Variants in GSTA1 observed in about 807,000 individuals in gnomAD.
The protein encoded by GSTA1 is glutathione S-transferase A1.
In GSTA1, 23 loss-of-function variants were observed where a neutral mutation model predicts 21.5. The observed-to-expected ratio is 1.07, with a 90% CI of 0.77 to 1.52. The LOEUF (loss-of-function observed/expected upper bound fraction) is 1.52. Ranked by LOEUF, GSTA1 falls within the 40% of genes most tolerant of loss-of-function variation. GSTA1 has a pLI of 0.00. For missense variants in GSTA1, 301 were observed against 264.2 expected (o/e 1.14, Z -0.96); for synonymous variants, 125 against 90.0 (o/e 1.39, Z -2.20).
At chr6:52,795,262 A>G (rs1296413574) in intron 4 of GSTA1, among the ~76,000 whole-genome samples, 1 of 152,098 alleles carries the variant, frequency 6.6e-6, no homozygotes, top group African/African-American at 2.4e-5. Context: ...AACATGTCTT[A>G]TGGCTTAACT....
intron 5 of GSTA1, 74 bp from the exon 6 acceptor site, chr6:52,793,061 T>C: frequency 6.2e-7 from 1 of 1,606,332 alleles, no homozygotes; most frequent in Non-Finnish European, 8.5e-7. Flanking sequence ...TCGGAGCCTC[T>C]CCACCCTGAC....
intron 4 of GSTA1, 51 bp downstream of exon 4, chr6:52,796,131 C>T: frequency 6.2e-7 from 1 of 1,610,664 alleles, no homozygotes. Context: ...AAGGAAGGAC[C>T]TAAATCACTC....
intron 2 of GSTA1, among the ~76,000 whole-genome samples, 195 bp from the exon 3 acceptor site, chr6:52,797,832 T>C (rs1163655734): frequency 6.6e-6 from 1 of 152,192 alleles, no homozygotes; most frequent in African/African-American, 2.4e-5. Context: ...TCACAGCACA[T>C]AGCTGCTAAA....
intron 3 of GSTA1, 52 bp from the exon 4 acceptor site, chr6:52,796,366 T>G (rs543430792): frequency 6.2e-7 from 1 of 1,610,112 alleles, no homozygotes. Context: ...AACCCACCCT[T>G]TTGGGATGAA....
intron 6 of GSTA1, among the ~76,000 whole-genome samples, chr6:52,792,413 G>A (rs149180090): frequency 0.01 from 1,568 of 152,280 alleles, 15 homozygotes; most frequent in Middle Eastern, 0.061. Context: ...GATACAGTGT[G>A]GGGGGCCAGT....
intron 1 of GSTA1, among the ~76,000 whole-genome samples, chr6:52,803,023 G>T (rs1421754100): frequency 1.3e-5 from 2 of 152,110 alleles, no homozygotes; most frequent in African/African-American, 4.8e-5. Context: ...CAACCAGGGG[G>T]ATTTTGCTCC....
At chr6:52,796,698 G>A (rs1347676230) in intron 3 of GSTA1, among the ~76,000 whole-genome samples, 1 of 150,030 alleles carries the variant, frequency 6.7e-6, no homozygotes, top group Admixed American at 6.6e-5. Context: ...ATGCACCAGT[G>A]CACATGGCTA....
intron 3 of GSTA1, among the ~76,000 whole-genome samples, 199 bp from the exon 4 acceptor site, chr6:52,796,513 G>GTATATATATATATATA (rs1561912815): frequency 1.1e-4 from 1 of 8,902 alleles, no homozygotes; most frequent in Non-Finnish European, 2.6e-4. Context: ...GTGTGTGTGT[G>GTATATATATATATATA]TGTGTGTGTG....
chr6:52,792,350 T>C (rs530976533), intron 6 of GSTA1, among the ~76,000 whole-genome samples: 1 of 152,084 alleles, frequency 6.6e-6, no homozygotes, highest in South Asian at 2.1e-4. Context: ...GGGAAGGGAA[T>C]AGTTATAGAA....
At chr6:52,799,117 G>A (rs1230115954) in intron 2 of GSTA1, 64 bp downstream of exon 2, 1 of 1,458,852 alleles carries the variant, frequency 6.9e-7, no homozygotes, top group Non-Finnish European at 9.6e-7. Context: ...CATAGTTTCT[G>A]TGGGAAAAGT....
chr6:52,798,089 G>A (rs6423287), intron 2 of GSTA1, among the ~76,000 whole-genome samples: 2 of 151,990 alleles, frequency 1.3e-5, no homozygotes, highest in Non-Finnish European at 1.5e-5. Flanking sequence ...AATTTGTATC[G>A]CCCCACTTCT....
Position 52,801,867 on chromosome 6 carries a change from G to C in GSTA1, c.-31+1918C>G, listed in dbSNP as rs182452349. Among the ~76,000 whole-genome samples the C allele has an allele frequency of 5.4e-3, 826 of 152,240 alleles. 5 individuals carry two copies. The highest frequency in any genetic ancestry group is 8.5e-3 in the Non-Finnish European group (581 of 68,010). ...TGAGTTTCAGAGAGCTAAAGCACCT[G>C]TCTCATGCTGCACACTTGGTGAGTG... On this transcript the variant is annotated intron_variant, in intron 1 of 6. Transcript: ENST00000334575.
Position 52,794,220 on chromosome 6 carries a change from G to A in GSTA1, c.319C>T (p.Leu107Phe), listed in dbSNP as rs1472380126. ...EGIADLGEMILLLPVCPPEEK... is the reference protein window; with the variant it reads ...EGIADLGEMIFLLPVCPPEEK... The stretch of plus-strand genomic sequence containing the variant: ...TCAGGTGGACATACGGGCAGAAGGA[G>A]GATCATTTCACCCAAATCTGCTATA... The change falls in exon 5 of 7, where the codon CTC (leucine) becomes TTC (phenylalanine). Residue 107 changes from leucine to phenylalanine, a missense_variant. Physicochemically the swap from Leu to Phe is conservative, Grantham distance 22. Transcript: ENST00000334575. The A allele has an allele frequency of 6.2e-7, 1 of 1,613,666 alleles. No homozygotes were observed. Among genetic ancestry groups the A allele is most frequent in the Non-Finnish European group, 8.5e-7 (1 of 1,179,722 alleles).
rs757898656 is a variant in GSTA1 at position 52,792,997 on chromosome 6, G to T, written c.415-10C>A. On this transcript the variant is annotated splice_polypyrimidine_tract_variant and intron_variant, in intron 5 of 6. Transcript: ENST00000334575. ...CATGGCTCTTTAAGACCTGGAGAAT[G>T]GGAGGAATCAGATCAGGAACACATG... 45 of 1,613,868 alleles carry T rather than the reference G, an allele frequency of 2.8e-5. No individual in the cohort carries two copies. In the African/African-American group the frequency reaches 5.1e-4, roughly 18 times the overall value.
At chr6:52,800,418 G>T (rs58981032) in intron 1 of GSTA1, among the ~76,000 whole-genome samples, 1 of 152,176 alleles carries the variant, frequency 6.6e-6, no homozygotes, top group Non-Finnish European at 1.5e-5. Flanking sequence ...AAATAAAATA[G>T]AAAAGAATAG....
chr6:52,800,167 T>G (rs1186791178), intron 1 of GSTA1, among the ~76,000 whole-genome samples: 1 of 152,250 alleles, frequency 6.6e-6, no homozygotes, highest in Non-Finnish European at 1.5e-5. Context: ...ACACTGGTCA[T>G]TCTTCTAAAC....
intron 1 of GSTA1, among the ~76,000 whole-genome samples, chr6:52,801,177 G>T (rs1383529698): frequency 6.6e-6 from 1 of 152,052 alleles, no homozygotes; most frequent in East Asian, 1.9e-4. Context: ...CACTGCACCC[G>T]GCCTCAACTA....
rs746870681 is a variant in GSTA1 at position 52,792,913 on chromosome 6, A to G, written c.489T>C (p.Leu163=). 6.2e-7 allele frequency: 1 copy of G among 1,614,104 alleles called. No individual in the cohort carries two copies. The highest frequency in any genetic ancestry group is 1.3e-5 in the African/African-American group (1 of 75,014). ...LSRADIHLVE[L]LYYVEELDSS... The stretch of plus-strand genomic sequence containing the variant: ...AGTCAAGCTCCTCGACGTAGTAGAG[A>G]AGTTCCACCAGATGAATGTCAGCCC... The change falls in exon 6 of 7, where the codon CTT becomes CTC. Residue 163 remains leucine, a synonymous_variant. Transcript: ENST00000334575.
chr6:52,796,529 G>GTGTATA (rs1401978046), intron 3 of GSTA1, among the ~76,000 whole-genome samples: 3 of 56,614 alleles, frequency 5.3e-5, no homozygotes, highest in African/African-American at 1.7e-4. Flanking sequence ...GTGTGTGTGT[G>GTGTATA]TATATATATA....
Sources: gnomAD v4.1 joint callset for allele counts (sites outside exome capture counted in the v4.1 genomes callset) on GRCh38, gnomAD v4.1.1 for gene constraint, MANE v1.5 for transcripts, NCBI Gene and HGNC (gene_info 2026-07-23, HGNC 2026-07-21) for gene names.